GAS7: variants seen among roughly 807,000 people sequenced by gnomAD.
GAS7 encodes the protein growth arrest specific 7.
GAS7 carries 28 observed loss-of-function variants against 71.1 expected under a neutral mutation model. The ratio of observed to expected loss-of-function variants is 0.39; its 90% confidence interval spans 0.29 to 0.54. The LOEUF (loss-of-function observed/expected upper bound fraction) is 0.54. GAS7 is among the 20% of genes least tolerant of loss of function. The probability of loss-of-function intolerance (pLI) is 0.62; values close to 1 mark genes in which losing one functional copy is unlikely to be tolerated. For synonymous variants in GAS7, 258 were observed against 245.8 expected (o/e 1.05, Z -0.46); for missense variants, 436 against 627.8 (o/e 0.69, Z 3.27).
intron 2 of GAS7, among the ~76,000 whole-genome samples, chr17:9,988,363 A>G (rs1376734196): frequency 6.6e-6 from 1 of 152,126 alleles, no homozygotes; most frequent in Non-Finnish European, 1.5e-5. Context: ...CCTGTCCTCC[A>G]AGCGAGCCCC....
At chr17:9,937,777 C>T (rs1301873125) in intron 8 of GAS7, among the ~76,000 whole-genome samples, 1 of 152,212 alleles carries the variant, frequency 6.6e-6, no homozygotes, top group Non-Finnish European at 1.5e-5. Context: ...CACAACAGAA[C>T]GTCTTCCTTC....
chr17:10,053,209 C>G (rs1371246238), intron 1 of GAS7, among the ~76,000 whole-genome samples: 4 of 152,144 alleles, frequency 2.6e-5, no homozygotes, highest in Non-Finnish European at 4.4e-5. Context: ...CCCCAAACCA[C>G]AAATGAATAA....
intron 5 of GAS7, among the ~76,000 whole-genome samples, chr17:9,948,437 C>G (rs1012658529): frequency 6.6e-6 from 1 of 152,176 alleles, no homozygotes; most frequent in Non-Finnish European, 1.5e-5. Flanking sequence ...GTAATCCCAG[C>G]ACTTTGGGAG....
intron 1 of GAS7, among the ~76,000 whole-genome samples, chr17:10,079,310 C>T (rs1357375380): frequency 6.6e-6 from 1 of 152,192 alleles, no homozygotes; most frequent in Non-Finnish European, 1.5e-5. Flanking sequence ...GTCCTTCCAA[C>T]TATCTGAATG....
At chr17:10,051,700 T>C (rs1007162432) in intron 1 of GAS7, among the ~76,000 whole-genome samples, 1 of 152,046 alleles carries the variant, frequency 6.6e-6, no homozygotes, top group Non-Finnish European at 1.5e-5. Context: ...AACAAACCAG[T>C]GCAAGACCCT....
chr17:9,950,939 C>T (rs1167414273), intron 5 of GAS7, among the ~76,000 whole-genome samples: 3 of 151,978 alleles, frequency 2.0e-5, no homozygotes, highest in Non-Finnish European at 4.4e-5. Flanking sequence ...AGATGAAGAT[C>T]AGCTGAGGCT....
At chr17:10,062,105 AG>A (rs1366170676) in intron 1 of GAS7, among the ~76,000 whole-genome samples, 1 of 152,234 alleles carries the variant, frequency 6.6e-6, no homozygotes, top group Non-Finnish European at 1.5e-5. Context: ...ATGTCCACGG[AG>A]GGATCAAGCT....
intron 1 of GAS7, chr17:10,036,290 TC>T: frequency 1.3e-6 from 1 of 750,268 alleles, no homozygotes. Context: ...GCACACAGGG[TC>T]CCCAGACCAC....
chr17:10,124,653 C>T lies in GAS7; in HGVS notation c.183+73555G>A, dbSNP rs139953741. 5.0e-3 allele frequency among the ~76,000 whole-genome samples: 754 copies of T among 152,274 alleles called. 9 individuals are homozygous for T. Among genetic ancestry groups the T allele is most frequent in the South Asian group, 0.025 (119 of 4,826 alleles). ...GTGTGGGGCCGGGCACAGTGGCTCA[C>T]GCCTGTAATCCCAGCAGTTTGGGGG... On this transcript the variant is annotated intron_variant, in intron 1 of 13. Transcript: ENST00000432992.
At chr17:10,148,091 G>A (rs1353358350) in intron 1 of GAS7, among the ~76,000 whole-genome samples, 5 of 152,134 alleles carry the variant, frequency 3.3e-5, no homozygotes, top group Admixed American at 2.6e-4. Flanking sequence ...TAAAGCACAC[G>A]TGAACATCAA....
chr17:10,093,232 T>TAG (rs1239278330), intron 1 of GAS7, among the ~76,000 whole-genome samples: 4 of 152,214 alleles, frequency 2.6e-5, no homozygotes, highest in Non-Finnish European at 5.9e-5. Context: ...CTGTTGCTTC[T>TAG]ATGAGTCCAT....
chr17:10,167,453 CA>C (rs1188120365), intron 1 of GAS7, among the ~76,000 whole-genome samples: 1 of 152,110 alleles, frequency 6.6e-6, no homozygotes, highest in Non-Finnish European at 1.5e-5. Context: ...ACGTGGGTGT[CA>C]AAAAGATTAA....
chr17:10,158,836 T>C (rs1201178157), intron 1 of GAS7, among the ~76,000 whole-genome samples: 2 of 151,262 alleles, frequency 1.3e-5, no homozygotes, highest in African/African-American at 2.4e-5. Flanking sequence ...GGGAGGATCA[T>C]TTGAGCTGAG....
intron 1 of GAS7, among the ~76,000 whole-genome samples, chr17:10,196,442 C>G (rs550926231): frequency 7.2e-5 from 11 of 152,294 alleles, no homozygotes; most frequent in Non-Finnish European, 1.2e-4. Flanking sequence ...TTGCAAGTTA[C>G]TAGTCAGGAA....
intron 3 of GAS7, among the ~76,000 whole-genome samples, chr17:9,972,973 A>C (rs1009776284): frequency 2.6e-5 from 4 of 152,244 alleles, no homozygotes; most frequent in African/African-American, 4.8e-5. Context: ...CCAAAGGAAC[A>C]AAAATAAATG....
At chr17:10,122,325 C>T (rs1184410009) in intron 1 of GAS7, among the ~76,000 whole-genome samples, 1 of 152,196 alleles carries the variant, frequency 6.6e-6, no homozygotes, top group African/African-American at 2.4e-5. Context: ...TAGAAACCCT[C>T]ATCCTTCCTC....
intron 1 of GAS7, among the ~76,000 whole-genome samples, chr17:10,073,892 C>T (rs1462344891): frequency 6.6e-6 from 1 of 152,220 alleles, no homozygotes; most frequent in Non-Finnish European, 1.5e-5. Flanking sequence ...TTCCCATAGC[C>T]ATTGAGCCTG....
chr17:10,142,317 C>A (rs2074089252), intron 1 of GAS7, among the ~76,000 whole-genome samples: 1 of 151,984 alleles, frequency 6.6e-6, no homozygotes, highest in Admixed American at 6.6e-5. Context: ...AATGTACACA[C>A]AAAGTCAATA....
chr17:10,011,699 G>A (rs1054778019), intron 2 of GAS7, among the ~76,000 whole-genome samples: 27 of 152,170 alleles, frequency 1.8e-4, no homozygotes, highest in African/African-American at 3.4e-4. Context: ...TCTCAAGGCC[G>A]GGTGCGGTGG....
Sources: allele counts gnomAD v4.1 joint callset (sites outside exome capture counted in the v4.1 genomes callset), GRCh38; gene constraint gnomAD v4.1.1; transcripts MANE v1.5; gene names NCBI Gene and HGNC (gene_info 2026-07-23, HGNC 2026-07-21).